Variants in PLAUR observed in about 807,000 individuals in gnomAD.
PLAUR encodes the protein urokinase plasminogen activator surface receptor.
In PLAUR, 22 loss-of-function variants were observed where a neutral mutation model predicts 33.4. The observed-to-expected ratio is 0.66, with a 90% CI of 0.47 to 0.94. PLAUR has a LOEUF of 0.94. Among genes scored for constraint, PLAUR ranks in the 40% least tolerant of loss-of-function variants. The pLI, the probability that PLAUR is intolerant of heterozygous loss-of-function variation, is 0.00. For synonymous variants in PLAUR, 148 were observed against 167.3 expected, an observed-to-expected ratio of 0.88 and a Z score of 0.89; for missense variants, 408 against 434.7, an observed-to-expected ratio of 0.94 and a Z score of 0.55.
chr19:43,657,605 C>T (rs1568557755), intron 3 of PLAUR, among the ~76,000 whole-genome samples: 1 of 152,164 alleles, frequency 6.6e-6, no homozygotes, highest in Non-Finnish European at 1.5e-5. Context: ...CCTTCCTGAT[C>T]CACCAGGCTC....
rs4251860 is a variant in PLAUR at position 43,659,355 on chromosome 19, G to C, written c.311-2715C>G. On this transcript the variant is annotated intron_variant, in intron 3 of 6. Transcript: ENST00000340093. Reference sequence around the variant, plus strand: ...TTTTGTAGAGACAAGGTCTTGCTATGTTACCCAGGCTAGTCTCGAACTCCT... The same window carrying C: ...TTTTGTAGAGACAAGGTCTTGCTATCTTACCCAGGCTAGTCTCGAACTCCT... 3.0e-3 allele frequency among the ~76,000 whole-genome samples: 453 copies of C among 151,902 alleles called. 4 individuals are homozygous for C. Among genetic ancestry groups the C allele is most frequent in the African/African-American group, 0.01 (418 of 41,470 alleles).
chr19:43,669,978 C>T (rs1337298965), intron 1 of PLAUR, 88 bp downstream of exon 1: 8 of 1,261,384 alleles, frequency 6.3e-6, no homozygotes, highest in South Asian at 5.1e-5. Flanking sequence ...AGGACTGAAC[C>T]GCATTCCTCC....
intron 3 of PLAUR, among the ~76,000 whole-genome samples, chr19:43,660,174 G>GTTTTGTT (rs1966909872): frequency 6.6e-6 from 1 of 151,442 alleles, no homozygotes; most frequent in African/African-American, 2.4e-5. Flanking sequence ...GTTTTGTTTT[G>GTTTTGTT]TTTTGTTTTG....
At chr19:43,668,071 C>T (rs878910666) in intron 1 of PLAUR, 1 of 1,045,720 alleles carries the variant, frequency 9.6e-7, no homozygotes, top group Admixed American at 5.1e-5. Flanking sequence ...GATTACGCCT[C>T]TCCAGTTCTG....
chr19:43,667,664 C>A lies in PLAUR; in HGVS notation c.83G>T (p.Cys28Phe). The change falls in exon 2 of 7, where the codon TGT becomes TTT. Residue 28 changes from cysteine (C) to phenylalanine (F), a missense_variant. Transcript: ENST00000340093. The part of the protein sequence containing the change: ...PASWGLRCMQ[C>F]KTNGDCRVEE... ...CACACGGCAATCCCCGTTGGTCTTA[C>A]ACTGCATGCACCGCAGGCCCCAAGA... The A allele has an allele frequency of 6.2e-7, 1 of 1,614,022 alleles. No homozygotes were observed. Among genetic ancestry groups the A allele is most frequent in the Non-Finnish European group, 8.5e-7 (1 of 1,179,998 alleles).
chr19:43,662,057 T>C (rs909199008), intron 3 of PLAUR, among the ~76,000 whole-genome samples: 13 of 152,030 alleles, frequency 8.6e-5, no homozygotes, highest in South Asian at 2.1e-4. Context: ...TCTATCCACT[T>C]TTCTTCCTCT....
chr19:43,667,757 CT>C, intron 1 of PLAUR, 66 bp from the exon 2 acceptor site: 1 of 1,571,752 alleles, frequency 6.4e-7, no homozygotes, highest in Non-Finnish European at 8.6e-7. Context: ...CCGCTCACCC[CT>C]GCATGTCCCA....
chr19:43,668,877 C>T (rs1042432844), intron 1 of PLAUR, among the ~76,000 whole-genome samples: 4 of 151,804 alleles, frequency 2.6e-5, no homozygotes, highest in African/African-American at 9.7e-5. Flanking sequence ...TAACCTCTCC[C>T]GTAGCTCTTC....
intron 5 of PLAUR, among the ~76,000 whole-genome samples, chr19:43,654,975 C>A (rs1974142125): frequency 1.3e-5 from 2 of 152,056 alleles, no homozygotes; most frequent in South Asian, 4.1e-4. Context: ...TTACGAAGTT[C>A]TTCTTTGAAG....
At chr19:43,664,611 A>G (rs1476291377) in intron 3 of PLAUR, among the ~76,000 whole-genome samples, 1 of 152,196 alleles carries the variant, frequency 6.6e-6, no homozygotes, top group Non-Finnish European at 1.5e-5. Context: ...CACCCAGCCT[A>G]TTATGGACAT....
intron 3 of PLAUR, among the ~76,000 whole-genome samples, chr19:43,658,573 G>A (rs1802108214): frequency 6.6e-6 from 1 of 152,086 alleles, no homozygotes; most frequent in South Asian, 2.1e-4. Context: ...TTGTGGTGTT[G>A]GCCAACTGGA....
At chr19:43,652,908 C>A (rs1974056587) in intron 5 of PLAUR, among the ~76,000 whole-genome samples, 1 of 152,086 alleles carries the variant, frequency 6.6e-6, no homozygotes, top group Admixed American at 6.6e-5. Context: ...GCCTCAGCCT[C>A]CCAATGTTCT....
rs112811118 is a variant in PLAUR, at chr19:43,656,347, T to C, written c.472+132A>G. The C allele has an allele frequency of 9.4e-4, 683 of 730,070 alleles. 1 individual carries two copies. The highest frequency in any genetic ancestry group is 1.3e-3 in the Non-Finnish European group (613 of 458,026). The allele number at this position is 730,070 out of a possible 1,614,324, so 45.2% of individuals were successfully genotyped here. On this transcript the variant is annotated intron_variant, in intron 4 of 6. Transcript: ENST00000340093. ...TGTCCTTGTGGCCCTGGACTTCCTA[T>C]CACTGGACCTCTTGTGTATGAGAGA...
chr19:43,659,151 CT>C (rs2081146603), intron 3 of PLAUR, among the ~76,000 whole-genome samples: 3 of 87,796 alleles, frequency 3.4e-5, no homozygotes, highest in South Asian at 9.3e-4. Context: ...GGCTATTTTC[CT>C]TTTTCTTTTC....
chr19:43,670,062 C>T lies in PLAUR; in HGVS notation c.55+4G>A, dbSNP rs1459353103. The T allele has an allele frequency of 1.2e-6, 2 of 1,613,370 alleles. No individual in the cohort carries two copies. The highest frequency in any genetic ancestry group is 1.7e-5 in the Admixed American group (1 of 59,978). On this transcript the variant is annotated splice_donor_region_variant and intron_variant, in intron 1 of 6. Coordinates refer to ENST00000340093, the MANE Select transcript of PLAUR (RefSeq NM_002659.4). ...GGCGCAGGCGTTCGGGACCCAGCCC[C>T]TACCTGGGACGCAGGTGTGGAGCAG...
At chr19:43,662,956 G>A (rs1300579993) in intron 3 of PLAUR, among the ~76,000 whole-genome samples, 1 of 152,128 alleles carries the variant, frequency 6.6e-6, no homozygotes, top group East Asian at 1.9e-4. Flanking sequence ...CTCCCAAAGT[G>A]TTGGGATTAC....
chr19:43,656,564 C>T lies in PLAUR; in HGVS notation c.387G>A (p.Arg129=). The change falls in exon 4 of 7, where the codon AGG becomes AGA. Residue 129 remains arginine, a synonymous_variant. Transcript: ENST00000340093. The stretch of plus-strand genomic sequence containing the variant: ...GGCACTGCAGGCTCTGGTGCCGGCC[C>T]CTCTCACAGCTCATGTCTGATGAGC... ...SCGSSDMSCE[R]GRHQSLQCRS... 6.2e-7 allele frequency: 1 copy of T among 1,613,262 alleles called. No homozygotes were observed. The highest frequency in any genetic ancestry group is 8.5e-7 in the Non-Finnish European group (1 of 1,179,504).
intron 3 of PLAUR, among the ~76,000 whole-genome samples, chr19:43,660,098 T>C (rs770804370): frequency 6.6e-6 from 1 of 151,652 alleles, no homozygotes; most frequent in Non-Finnish European, 1.5e-5. Context: ...AGGTTTTTTG[T>C]TACTGTTTTT....
At chr19:43,649,228 TG>T in intron 6 of PLAUR, 85 bp from the exon 7 acceptor site, 1 of 1,465,090 alleles carries the variant, frequency 6.8e-7, no homozygotes, top group Non-Finnish European at 9.4e-7. Flanking sequence ...CACCTTGCAG[TG>T]GGTGCCACCT....
Sources: allele counts gnomAD v4.1 joint callset (sites outside exome capture counted in the v4.1 genomes callset), GRCh38; gene constraint gnomAD v4.1.1; transcripts MANE v1.5; gene names NCBI Gene and HGNC (gene_info 2026-07-23, HGNC 2026-07-21).